Variants in KIAA1217 observed in about 807,000 individuals in gnomAD.
The protein encoded by KIAA1217 is KIAA1217.
In KIAA1217, 88 loss-of-function variants were observed where a neutral mutation model predicts 163.9. The ratio of observed to expected loss-of-function variants is 0.54; its 90% CI spans 0.45 to 0.64. The LOEUF is 0.64. Ranked by LOEUF, KIAA1217 falls within the 30% of genes least tolerant of loss-of-function variation. The pLI is 0.00. For synonymous variants in KIAA1217, 903 were observed against 923.1 expected (o/e 0.98, Z 0.39); for missense variants, 2,372 against 2,475.0 (o/e 0.96, Z 0.88).
intron 1 of KIAA1217, among the ~76,000 whole-genome samples, chr10:23,937,152 G>A (rs1016861082): frequency 6.6e-6 from 1 of 152,212 alleles, no homozygotes; most frequent in Non-Finnish European, 1.5e-5. Context: ...TGGGATTACA[G>A]GCATGAGCCA....
chr10:24,050,987 T>C (rs1849461738), intron 2 of KIAA1217, among the ~76,000 whole-genome samples: 1 of 152,130 alleles, frequency 6.6e-6, no homozygotes, highest in Non-Finnish European at 1.5e-5. Flanking sequence ...GAAAAGTTCT[T>C]TAGTGGTGAT....
In KIAA1217 at chr10:24,380,896, C is replaced by T; in HGVS notation, c.382C>T (p.Pro128Ser). The T allele has an allele frequency of 6.3e-7, 1 of 1,589,164 alleles. No individual in the cohort carries two copies. The highest frequency in any genetic ancestry group is 1.3e-5 in the African/African-American group (1 of 74,254). Reference sequence around the variant, plus strand: ...AAGGAGCCCCAAACTGTCTCACAGTCCTCAACCACCCAGTCTGGGTGACCC... The same window carrying T: ...AAGGAGCCCCAAACTGTCTCACAGTTCTCAACCACCCAGTCTGGGTGACCC... ...QTRSPKLSHS[P>S]QPPSLGDPVE... The change falls in exon 3 of 21, where the codon CCT becomes TCT. Residue 128 changes from proline (P) to serine (S), a missense_variant. Pro to Ser is a moderately conservative substitution (Grantham distance 74). Around this residue, in one of 3 missense-constraint regions of KIAA1217, gnomAD observed 1,431 missense variants for 1,470.3 expected, o/e 0.97. Coordinates refer to ENST00000376454, the MANE Select transcript of KIAA1217 (RefSeq NM_019590.5).
intron 2 of KIAA1217, among the ~76,000 whole-genome samples, chr10:24,045,498 C>G (rs886612543): frequency 5.9e-5 from 9 of 152,014 alleles, no homozygotes; most frequent in Non-Finnish European, 1.0e-4. Flanking sequence ...TCTACCCCAC[C>G]AATTTTTCTG....
chr10:24,246,536 A>C (rs1283191650), intron 2 of KIAA1217, among the ~76,000 whole-genome samples: 1 of 152,238 alleles, frequency 6.6e-6, no homozygotes, highest in Non-Finnish European at 1.5e-5. Context: ...AGTTCACTAC[A>C]GTGATGCCAA....
intron 1 of KIAA1217, among the ~76,000 whole-genome samples, chr10:23,788,035 C>T (rs1835573642): frequency 6.6e-6 from 1 of 151,828 alleles, no homozygotes; most frequent in Non-Finnish European, 1.5e-5. Context: ...CTCTACAAAA[C>T]AAAAATGAAA....
At chr10:24,170,721 C>T (rs546431448) in intron 2 of KIAA1217, among the ~76,000 whole-genome samples, 6 of 152,156 alleles carry the variant, frequency 3.9e-5, no homozygotes, top group Non-Finnish European at 7.3e-5. Flanking sequence ...ATTTCTATTC[C>T]GAGTTGACTA....
chr10:23,907,229 T>C (rs998681017), intron 1 of KIAA1217, among the ~76,000 whole-genome samples: 52 of 152,050 alleles, frequency 3.4e-4, no homozygotes, highest in Admixed American at 6.6e-4. Context: ...CCTTCTTTTC[T>C]TCAACATTTT....
At chr10:24,263,201 G>A (rs904374300) in intron 2 of KIAA1217, among the ~76,000 whole-genome samples, 2 of 152,192 alleles carry the variant, frequency 1.3e-5, no homozygotes, top group Admixed American at 6.5e-5. Flanking sequence ...AATACTCACG[G>A]AAGATTAGCA....
chr10:24,099,859 C>A (rs183120991), intron 2 of KIAA1217, among the ~76,000 whole-genome samples: 2 of 150,780 alleles, frequency 1.3e-5, no homozygotes, highest in South Asian at 2.1e-4. Context: ...TTTGTCCTTG[C>A]GACACTGCAG....
chr10:24,446,924 C>T (rs1341447542), intron 5 of KIAA1217, among the ~76,000 whole-genome samples: 1 of 152,206 alleles, frequency 6.6e-6, no homozygotes, highest in African/African-American at 2.4e-5. Context: ...GTAATCATGC[C>T]TGTGGTCACT....
At position 24,545,075 on chromosome 10, in the gene KIAA1217, A is replaced by C; in HGVS notation, c.5306A>C (p.Lys1769Thr). 6.2e-7 allele frequency: 1 copy of C among 1,614,212 alleles called. No individual in the cohort carries two copies. The highest frequency in any genetic ancestry group is 1.1e-5 in the South Asian group (1 of 91,072). The stretch of plus-strand genomic sequence containing the variant: ...CTGGACAAACCCGGCAAGCAGTCCA[A>C]ACTGCAGGATCCCCGCCAATATCGT... Reference protein sequence around the residue: ...GTLDKPGKQSKLQDPRQYRQA... With the variant: ...GTLDKPGKQSTLQDPRQYRQA... The change falls in exon 20 of 21, where the codon AAA becomes ACA. Residue 1769 changes from lysine (K) to threonine (T), a missense_variant. Transcript: ENST00000376454.
chr10:24,365,401 G>C (rs10741055), intron 2 of KIAA1217, among the ~76,000 whole-genome samples: 1 of 140,888 alleles, frequency 7.1e-6, no homozygotes, highest in African/African-American at 2.8e-5. Flanking sequence ...CTTTTTTTTT[G>C]TCCCCCTTTT....
chr10:24,230,702 T>G (rs1219945763), intron 2 of KIAA1217, among the ~76,000 whole-genome samples: 1 of 152,056 alleles, frequency 6.6e-6, no homozygotes, highest in Non-Finnish European at 1.5e-5. Context: ...GGCTAACTTT[T>G]GCATTTTTAG....
chr10:24,250,977 A>G (rs965715794), intron 2 of KIAA1217, among the ~76,000 whole-genome samples: 1 of 151,882 alleles, frequency 6.6e-6, no homozygotes, highest in Non-Finnish European at 1.5e-5. Flanking sequence ...CTGTAATCAC[A>G]GCACTTTGGG....
At chr10:24,296,738 C>G (rs1309307903) in intron 2 of KIAA1217, among the ~76,000 whole-genome samples, 1 of 152,230 alleles carries the variant, frequency 6.6e-6, no homozygotes, top group Non-Finnish European at 1.5e-5. Flanking sequence ...TTCTTTCTTT[C>G]ATTTTTTGTG....
chr10:24,393,191 A>G (rs1197489099), intron 3 of KIAA1217, among the ~76,000 whole-genome samples: 5 of 152,192 alleles, frequency 3.3e-5, no homozygotes, highest in African/African-American at 1.2e-4. Flanking sequence ...GCTGATGTCC[A>G]GAAACTGAGA....
chr10:23,960,509 G>T (rs1401949056), intron 1 of KIAA1217, among the ~76,000 whole-genome samples: 1 of 151,820 alleles, frequency 6.6e-6, no homozygotes, highest in Non-Finnish European at 1.5e-5. Flanking sequence ...CGCCTGCCTT[G>T]GCCTCCCAAA....
In KIAA1217 at chr10:24,051,361, A is replaced by G. The variant is rs185323033; in HGVS notation, c.-171+43987A>G. On this transcript the variant is annotated intron_variant, in intron 2 of 18. Transcript: ENST00000376462. ...TTGCAATTGTGAATTGTGCTGCTAT[A>G]AACATCCATGTGCAAGTGTCTTTTT... Among the ~76,000 whole-genome samples, 109 of 152,296 alleles carry G rather than the reference A, an allele frequency of 7.2e-4. No individual in the cohort carries two copies. In the East Asian group the frequency reaches 0.014, roughly 19 times the overall value.
chr10:23,829,435 A>T (rs761865028), intron 1 of KIAA1217, among the ~76,000 whole-genome samples: 1 of 152,180 alleles, frequency 6.6e-6, no homozygotes, highest in Non-Finnish European at 1.5e-5. Context: ...GAAAACTTAC[A>T]GTTCAAATAT....
Sources: allele counts gnomAD v4.1 joint callset (sites outside exome capture counted in the v4.1 genomes callset), GRCh38; gene constraint gnomAD v4.1.1; regional missense constraint gnomAD v4.1.1; transcripts MANE v1.5; gene names NCBI Gene and HGNC (gene_info 2026-07-23, HGNC 2026-07-21).